OR14L1: variants seen among roughly 807,000 people sequenced by gnomAD.
The protein encoded by OR14L1 is olfactory receptor family 14 subfamily L member 1.
At chr1:247,622,152 C>T in the OR14L1 span, 1 of 152,134 alleles carries the variant, frequency 6.6e-6, no homozygotes, top group Non-Finnish European at 1.5e-5. Context: ...TTGCATTGGG[C>T]AAGTCTATTG....
the OR14L1 span, among the ~76,000 whole-genome samples, chr1:247,618,970 C>G: frequency 1.3e-5 from 2 of 152,104 alleles, no homozygotes; most frequent in Admixed American, 6.5e-5. Flanking sequence ...AGTATTTTAC[C>G]TCCCTACGTT....
chr1:247,619,278 T>C, the OR14L1 span, among the ~76,000 whole-genome samples: 3 of 152,232 alleles, frequency 2.0e-5, no homozygotes, highest in East Asian at 5.8e-4. Context: ...TAAATATGTA[T>C]ATTCAGTTGA....
chr1:247,621,716 A>G, the OR14L1 span: 1 of 152,100 alleles, frequency 6.6e-6, no homozygotes, highest in Non-Finnish European at 1.5e-5. Context: ...CCTTGCCTCC[A>G]TCTTCTGGTC....
At chr1:247,620,380 G>C in the OR14L1 span, 6 of 152,120 alleles carry the variant, frequency 3.9e-5, no homozygotes, top group African/African-American at 9.7e-5. Flanking sequence ...TCTTGTGGTT[G>C]TAACACTCTT....
chr1:247,617,803 A>G, the OR14L1 span, among the ~76,000 whole-genome samples: 110,309 of 150,838 alleles, frequency 0.73, 40,945 homozygotes, highest in African/African-American at 0.88. Flanking sequence ...GTGTGTGTTC[A>G]ATGAAAAGGA....
At chr1:247,621,919 G>A in the OR14L1 span, 1 of 151,966 alleles carries the variant, frequency 6.6e-6, no homozygotes, top group Admixed American at 6.6e-5. Flanking sequence ...TCCATTGTGT[G>A]TGTATACTAC....
the OR14L1 span, chr1:247,620,868 A>G: frequency 1.3e-5 from 2 of 152,180 alleles, no homozygotes; most frequent in African/African-American, 4.8e-5. Context: ...GTAATACAAC[A>G]TATTAATTAA....
At chr1:247,619,861 T>C in the OR14L1 span, 1 of 152,332 alleles carries the variant, frequency 6.6e-6, no homozygotes, top group Middle Eastern at 3.4e-3. Flanking sequence ...TTGTTACATC[T>C]CTGTCACAAT....
the OR14L1 span, chr1:247,619,801 C>T: frequency 6.6e-6 from 1 of 152,188 alleles, no homozygotes; most frequent in Non-Finnish European, 1.5e-5. Flanking sequence ...GGATGTTCAC[C>T]TCCAAACCCC....
the OR14L1 span, chr1:247,621,581 C>T: frequency 6.6e-6 from 1 of 152,124 alleles, no homozygotes; most frequent in African/African-American, 2.4e-5. Context: ...TTTTGAAACA[C>T]ACAATACATT....
chr1:247,619,253 T>A, the OR14L1 span, among the ~76,000 whole-genome samples: 39 of 152,136 alleles, frequency 2.6e-4, no homozygotes, highest in Non-Finnish European at 5.3e-4. Context: ...AATGAGCAAA[T>A]AAAATGCTTC....
At chr1:247,620,179 A>G in the OR14L1 span, 2 of 152,162 alleles carry the variant, frequency 1.3e-5, no homozygotes, top group Non-Finnish European at 2.9e-5. Flanking sequence ...TTTCTGTAAT[A>G]TTCCACAGCT....
chr1:247,617,575 A>G, the OR14L1 span, among the ~76,000 whole-genome samples: 12 of 152,172 alleles, frequency 7.9e-5, no homozygotes, highest in Admixed American at 3.3e-4. Context: ...GCAGTTCTGG[A>G]TCTGGGCATG....
the OR14L1 span, among the ~76,000 whole-genome samples, chr1:247,617,789 A>ACGTGTGTGTGTTGTG: frequency 2.7e-5 from 4 of 149,844 alleles, no homozygotes; most frequent in African/African-American, 7.4e-5. Context: ...AAAGTTCTGT[A>ACGTGTGTGTGTTGTG]TGTGTGTGTG....
chr1:247,619,885 G>A, the OR14L1 span: 1 of 152,224 alleles, frequency 6.6e-6, no homozygotes, highest in South Asian at 2.1e-4. Context: ...AAAATCTATT[G>A]TTAGTTCCTT....
the OR14L1 span, among the ~76,000 whole-genome samples, chr1:247,618,435 A>C: frequency 6.6e-6 from 1 of 152,146 alleles, no homozygotes; most frequent in African/African-American, 2.4e-5. Context: ...CAGCTACATT[A>C]TTTGATATGG....
At chr1:247,619,275 G>A in the OR14L1 span, among the ~76,000 whole-genome samples, 1 of 152,080 alleles carries the variant, frequency 6.6e-6, no homozygotes, top group African/African-American at 2.4e-5. Flanking sequence ...AAATAAATAT[G>A]TATATTCAGT....
the OR14L1 span, chr1:247,621,841 T>C: frequency 0.65 from 99,215 of 152,020 alleles, 32,598 homozygotes; most frequent in East Asian, 0.79. Flanking sequence ...ACATGATGTC[T>C]TCTCTAGGTT....
At chr1:247,618,602 T>G in the OR14L1 span, among the ~76,000 whole-genome samples, 1 of 152,178 alleles carries the variant, frequency 6.6e-6, no homozygotes, top group Non-Finnish European at 1.5e-5. Flanking sequence ...CTCAATATTT[T>G]TAGGTGTCTT....
Sources: gnomAD v4.1 joint callset for allele counts (sites outside exome capture counted in the v4.1 genomes callset) on GRCh38, gnomAD v4.1.1 for gene constraint, MANE v1.5 for transcripts, NCBI Gene and HGNC (gene_info 2026-07-23, HGNC 2026-07-21) for gene names.